Variants in LEPR observed in about 807,000 individuals in gnomAD.
LEPR encodes the protein leptin receptor, also known as OB receptor.
In LEPR, 56 loss-of-function variants were observed where a neutral mutation model predicts 114.7. The ratio of observed to expected loss-of-function variants is 0.49; its 90% confidence interval spans 0.39 to 0.61. The LOEUF (loss-of-function observed/expected upper bound fraction) is 0.61. Ranked by LOEUF, LEPR falls within the 20% of genes least tolerant of loss-of-function variation. The pLI, the probability that LEPR is intolerant of heterozygous loss-of-function variation, is 0.00. For missense variants in LEPR, 1,202 were observed against 1,352.9 expected (o/e 0.89, Z 1.75); for synonymous variants, 443 against 461.4 (o/e 0.96, Z 0.51).
chr1:65,479,921 AAAAC>A (rs111435639), intron 2 of LEPR, among the ~76,000 whole-genome samples: 112 of 151,918 alleles, frequency 7.4e-4, no homozygotes, highest in African/African-American at 1.4e-3. Flanking sequence ...AACAAGACAA[AAAAC>A]AAACAAACAA....
chr1:65,586,148 T>C (rs1254330898), intron 5 of LEPR, among the ~76,000 whole-genome samples: 3 of 151,960 alleles, frequency 2.0e-5, no homozygotes, highest in African/African-American at 4.8e-5. Context: ...ACGTTGGGTG[T>C]AATGAAATGA....
At chr1:65,488,217 T>C (rs1647649951) in intron 2 of LEPR, among the ~76,000 whole-genome samples, 1 of 57,964 alleles carries the variant, frequency 1.7e-5, no homozygotes, top group Non-Finnish European at 3.1e-5. Context: ...TCTTTCTCTC[T>C]CTCTCTCTCT....
chr1:65,636,337 C>T lies in LEPR; in HGVS notation c.2820C>T (p.Val940=), dbSNP rs1283755662. ...NKDEMMPTTV[V]SLLSTTDLEK... ...ATGAGATGATGCCAACAACTGTGGT[C>T]TCTCTACTTTCAACAACAGATCTTG... The change falls in exon 20 of 20, where the codon GTC becomes GTT. Residue 940 remains valine (V), a synonymous_variant. Transcript: ENST00000349533. The T allele has an allele frequency of 6.2e-7, 1 of 1,613,884 alleles. No individual in the cohort carries two copies. The highest frequency in any genetic ancestry group is 1.3e-5 in the African/African-American group (1 of 74,898).
chr1:65,546,165 A>G (rs1388903510), intron 2 of LEPR, among the ~76,000 whole-genome samples: 5 of 152,120 alleles, frequency 3.3e-5, no homozygotes, highest in Admixed American at 2.6e-4. Context: ...CCATTGATCT[A>G]TATCTCTGTT....
intron 2 of LEPR, among the ~76,000 whole-genome samples, chr1:65,546,757 G>A (rs1285008273): frequency 2.0e-5 from 3 of 152,168 alleles, no homozygotes; most frequent in Non-Finnish European, 4.4e-5. Context: ...TCTGCAAACA[G>A]GGACAATTTG....
At chr1:65,593,006 TAA>T (rs1257044277) in intron 6 of LEPR, 141 bp downstream of exon 6, 56 of 897,082 alleles carry the variant, frequency 6.2e-5, no homozygotes, top group Non-Finnish European at 9.1e-5. Context: ...CTGGGGGTAT[TAA>T]GAGTGGCTTC....
intron 19 of LEPR, chr1:65,626,213 T>C (rs1259982119): frequency 1.3e-6 from 2 of 1,592,474 alleles, no homozygotes; most frequent in Middle Eastern, 1.7e-4. Flanking sequence ...CCGCACCTGC[T>C]CTCCCTGAGG....
At chr1:65,426,942 G>A (rs1471767949) in intron 2 of LEPR, among the ~76,000 whole-genome samples, 1 of 151,872 alleles carries the variant, frequency 6.6e-6, no homozygotes, top group Non-Finnish European at 1.5e-5. Context: ...AGGTTGTAGT[G>A]AGCCAAGATC....
intron 2 of LEPR, among the ~76,000 whole-genome samples, chr1:65,480,462 A>C (rs918937862): frequency 1.3e-5 from 2 of 151,974 alleles, no homozygotes; most frequent in African/African-American, 4.8e-5. Flanking sequence ...GAGACAAAAC[A>C]CTCCCTATCT....
At chr1:65,580,969 G>C (rs1570744663) in intron 5 of LEPR, among the ~76,000 whole-genome samples, 1 of 152,168 alleles carries the variant, frequency 6.6e-6, no homozygotes, top group Non-Finnish European at 1.5e-5. Flanking sequence ...ACAAGGGTCA[G>C]ATTATGAAGG....
chr1:65,602,081 T>C (rs552659765), intron 10 of LEPR, 121 bp downstream of exon 10: 7 of 908,096 alleles, frequency 7.7e-6, no homozygotes, highest in Admixed American at 3.5e-5. Context: ...AAGTATAATA[T>C]AATGAATCAG....
At chr1:65,631,637 A>G (rs1658527584) in intron 19 of LEPR, among the ~76,000 whole-genome samples, 1 of 152,160 alleles carries the variant, frequency 6.6e-6, no homozygotes. Context: ...TCAGTCAGCC[A>G]TCTTGAATCA....
chr1:65,492,990 G>A (rs1214732423), intron 2 of LEPR, among the ~76,000 whole-genome samples: 3 of 151,948 alleles, frequency 2.0e-5, no homozygotes, highest in Admixed American at 2.0e-4. Context: ...ATCTTTTAAA[G>A]CTCACTTTAA....
In LEPR at chr1:65,565,355, A is replaced by C. The variant is rs543971021; in HGVS notation, c.-20-191A>C. ...CGACTTGTATTTTTAATGATGTAAG[A>C]TAGGATGCGTACAGGAATAAATCTG... On this transcript the variant is annotated intron_variant, in intron 2 of 19. Transcript: ENST00000349533. Among the ~76,000 whole-genome samples, 7 of 152,320 alleles carry C rather than the reference A, an allele frequency of 4.6e-5. 1 individual carries two copies. In the South Asian group the frequency reaches 1.5e-3, roughly 32 times the overall value.
chr1:65,525,226 T>C (rs900106852), intron 2 of LEPR, among the ~76,000 whole-genome samples: 1 of 152,156 alleles, frequency 6.6e-6, no homozygotes, highest in Non-Finnish European at 1.5e-5. Context: ...TATTGCAACC[T>C]TAATTGTAGC....
At position 65,470,226 on chromosome 1, in the gene LEPR, G is replaced by A. The variant is rs74327346; in HGVS notation, c.-21+44848G>A. On this transcript the variant is annotated intron_variant, in intron 2 of 19. Transcript: ENST00000349533. ...ATGTTGACATTTTAATAGCCCAAGAGGGGCTGAAATAACTACTCCTACCTC... is the reference window on the plus strand; with the variant it reads ...ATGTTGACATTTTAATAGCCCAAGAAGGGCTGAAATAACTACTCCTACCTC... Among the ~76,000 whole-genome samples, 758 of 152,282 alleles carry A rather than the reference G, an allele frequency of 5.0e-3. 8 individuals carry two copies. Among genetic ancestry groups the A allele is most frequent in the African/African-American group, 0.018 (730 of 41,546 alleles).
At chr1:65,619,225 A>G (rs1657724957) in intron 16 of LEPR, among the ~76,000 whole-genome samples, 1 of 152,154 alleles carries the variant, frequency 6.6e-6, no homozygotes, top group African/African-American at 2.4e-5. Context: ...GTTCATCACC[A>G]CTGATGCGCA....
intron 2 of LEPR, among the ~76,000 whole-genome samples, chr1:65,545,827 C>G (rs1570654816): frequency 1.3e-5 from 2 of 151,704 alleles, no homozygotes; most frequent in East Asian, 3.9e-4. Context: ...TCTCATTTGT[C>G]AATTTTGGCT....
intron 2 of LEPR, among the ~76,000 whole-genome samples, chr1:65,448,933 G>A (rs566569942): frequency 4.6e-5 from 7 of 151,934 alleles, no homozygotes; most frequent in Admixed American, 1.3e-4. Flanking sequence ...TTGGTCTGTC[G>A]CCCAGGCTGG....
Sources: gnomAD v4.1 joint callset for allele counts (sites outside exome capture counted in the v4.1 genomes callset) on GRCh38, gnomAD v4.1.1 for gene constraint, MANE v1.5 for transcripts, NCBI Gene and HGNC (gene_info 2026-07-23, HGNC 2026-07-21) for gene names.